FNIP2: variants seen among roughly 807,000 people sequenced by gnomAD.
FNIP2 encodes the protein folliculin-interacting protein 2.
A neutral mutation model predicts 108.7 loss-of-function variants in FNIP2; 32 were observed. The observed-to-expected ratio is 0.29, with a 90% CI of 0.22 to 0.40. The LOEUF (loss-of-function observed/expected upper bound fraction) is 0.40. Among genes scored for constraint, FNIP2 ranks in the 10% least tolerant of loss-of-function variants. The pLI, the probability that FNIP2 is intolerant of heterozygous loss-of-function variation, is 1.00. For synonymous variants in FNIP2, 480 were observed against 496.7 expected (o/e 0.97, Z 0.45); for missense variants, 1,202 against 1,381.6 (o/e 0.87, Z 2.06).
intron 14 of FNIP2, among the ~76,000 whole-genome samples, chr4:158,882,925 C>T (rs971943608): frequency 9.2e-5 from 14 of 151,904 alleles, no homozygotes; most frequent in Admixed American, 3.9e-4. Context: ...ATCTGCTGAC[C>T]TTCCCTCCAC....
intron 5 of FNIP2, 32 bp downstream of exon 5, chr4:158,832,170 A>G (rs750768055): frequency 4.5e-6 from 7 of 1,552,966 alleles, no homozygotes; most frequent in Non-Finnish European, 6.2e-6. Context: ...CCCCACCCCC[A>G]TTTTTTAAAG....
intron 1 of FNIP2, among the ~76,000 whole-genome samples, chr4:158,799,670 C>T (rs1331365979): frequency 2.0e-5 from 3 of 152,164 alleles, no homozygotes; most frequent in Non-Finnish European, 4.4e-5. Flanking sequence ...TAGGGACAAC[C>T]TGGCTCAAAA....
intron 14 of FNIP2, chr4:158,872,557 G>A (rs755234253): frequency 1.5e-4 from 146 of 985,322 alleles, no homozygotes; most frequent in African/African-American, 5.9e-4. Flanking sequence ...GCAGCCATGC[G>A]TGGGTGTTAA....
At chr4:158,832,737 T>A (rs1269126244) in intron 5 of FNIP2, among the ~76,000 whole-genome samples, 1 of 152,238 alleles carries the variant, frequency 6.6e-6, no homozygotes, top group Non-Finnish European at 1.5e-5. Flanking sequence ...CATTTAACAT[T>A]GGAATGTCAT....
At chr4:158,796,608 A>G (rs1776598774) in intron 1 of FNIP2, among the ~76,000 whole-genome samples, 1 of 152,290 alleles carries the variant, frequency 6.6e-6, no homozygotes, top group South Asian at 2.1e-4. Flanking sequence ...ATACAGTGCA[A>G]TCATCTATGA....
chr4:158,769,863 CATG>C (rs1775636384), intron 1 of FNIP2, among the ~76,000 whole-genome samples: 1 of 152,182 alleles, frequency 6.6e-6, no homozygotes, highest in Non-Finnish European at 1.5e-5. Flanking sequence ...GTTGATGCCG[CATG>C]ATGTGTGGAA....
At chr4:158,795,194 T>C (rs1240362882) in intron 1 of FNIP2, among the ~76,000 whole-genome samples, 1 of 152,210 alleles carries the variant, frequency 6.6e-6, no homozygotes, top group Non-Finnish European at 1.5e-5. Flanking sequence ...TGAGCCGTGG[T>C]ATAATGAGGT....
chr4:158,904,441 A>G, intron 16 of FNIP2, 25 bp from the exon 17 acceptor site: 2 of 1,573,468 alleles, frequency 1.3e-6, no homozygotes, highest in Non-Finnish European at 1.7e-6. Context: ...TTAAAGTAAT[A>G]TTCTTTTCTT....
chr4:158,806,213 A>G (rs1275530398), intron 1 of FNIP2: 2 of 1,279,524 alleles, frequency 1.6e-6, no homozygotes, highest in African/African-American at 3.1e-5. Flanking sequence ...GTTTATGGTC[A>G]GGATAAACCA....
chr4:158,776,250 T>A (rs1386332634), intron 1 of FNIP2, among the ~76,000 whole-genome samples: 1 of 152,220 alleles, frequency 6.6e-6, no homozygotes, highest in East Asian at 1.9e-4. Context: ...CTCAGCCTGA[T>A]TCCCAGTAAG....
intron 7 of FNIP2, among the ~76,000 whole-genome samples, chr4:158,847,183 C>T (rs1021850639): frequency 3.9e-5 from 6 of 152,208 alleles, no homozygotes; most frequent in Admixed American, 3.3e-4. Flanking sequence ...ACCACAAGGA[C>T]TGCAACTCCT....
In FNIP2 at chr4:158,861,770, C is replaced by CT; in HGVS notation, c.1459_1460insT (p.Gln487LeufsTer4). On this transcript the variant is annotated frameshift_variant, in exon 12 of 17. Transcript: ENST00000264433. LOFTEE classifies it high-confidence loss of function. The stretch of plus-strand genomic sequence containing the variant: ...ACATCCGTATAATCCTCTTTGGGCA[C>CT]AGCTGGGTTAGTACCTAATTTGACT... The CT allele has an allele frequency of 6.2e-7, 1 of 1,613,958 alleles. No homozygotes were observed. The highest frequency in any genetic ancestry group is 8.5e-7 in the Non-Finnish European group (1 of 1,179,870).
At chr4:158,772,917 T>C (rs2126398782) in intron 1 of FNIP2, among the ~76,000 whole-genome samples, 1 of 152,304 alleles carries the variant, frequency 6.6e-6, no homozygotes, top group Admixed American at 6.5e-5. Flanking sequence ...GATTTTTATA[T>C]AAGCACAGAA....
intron 7 of FNIP2, among the ~76,000 whole-genome samples, chr4:158,842,881 A>T (rs1779205005): frequency 6.6e-6 from 1 of 152,042 alleles, no homozygotes; most frequent in Admixed American, 6.6e-5. Context: ...TCATTTTGTG[A>T]TTTGGGAACT....
chr4:158,865,652 G>A (rs1286579993), intron 12 of FNIP2, among the ~76,000 whole-genome samples: 1 of 152,042 alleles, frequency 6.6e-6, no homozygotes, highest in Non-Finnish European at 1.5e-5. Context: ...TATTAATATT[G>A]AAACTGATTT....
At chr4:158,832,205 CT>C in intron 5 of FNIP2, 67 bp downstream of exon 5, 1 of 1,264,732 alleles carries the variant, frequency 7.9e-7, no homozygotes, top group Non-Finnish European at 1.1e-6. Flanking sequence ...TAGACTAATT[CT>C]TTAAGGGCCA....
chr4:158,863,621 A>G (rs1780413867), intron 12 of FNIP2, among the ~76,000 whole-genome samples: 1 of 152,240 alleles, frequency 6.6e-6, no homozygotes, highest in South Asian at 2.1e-4. Context: ...TGCAGAAGCA[A>G]TTTAGTGGGT....
In FNIP2 at chr4:158,868,361, G is replaced by GCCCGCTCTT. The variant is rs776490131; in HGVS notation, c.1726_1734dup (p.Pro576_Leu578dup). On this transcript the variant is annotated inframe_insertion, in exon 13 of 17. Transcript: ENST00000264433. The surrounding 1 kb of genome is among the most constrained non-coding windows in gnomAD (Gnocchi z 4.6). ...ATGTGGTCATTACGGTGAGGAACGA[G>GCCCGCTCTT]CCCGCTCTTGTACCCCCCATCCTAC... 6.2e-7 allele frequency: 1 copy of GCCCGCTCTT among 1,613,982 alleles called. No homozygotes were observed. Among genetic ancestry groups the GCCCGCTCTT allele is most frequent in the South Asian group, 1.1e-5 (1 of 91,082 alleles).
intron 1 of FNIP2, among the ~76,000 whole-genome samples, chr4:158,791,946 C>T (rs1402226887): frequency 2.6e-5 from 4 of 152,058 alleles, no homozygotes; most frequent in Non-Finnish European, 5.9e-5. Flanking sequence ...GAGTGGTGAT[C>T]TGGAGAAATT....
Sources: allele counts gnomAD v4.1 joint callset (sites outside exome capture counted in the v4.1 genomes callset), GRCh38; gene constraint gnomAD v4.1.1; non-coding constraint Gnocchi (gnomAD v3.1); transcripts MANE v1.5; gene names NCBI Gene and HGNC (gene_info 2026-07-23, HGNC 2026-07-21).